Variants in ZC3H3 observed in about 807,000 individuals in gnomAD.
ZC3H3 encodes zinc finger CCCH-type containing 3, also known as zinc finger CCCH domain-containing protein 3.
A neutral mutation model predicts 77.3 loss-of-function variants in ZC3H3; 36 were observed. The observed-to-expected ratio is 0.47, with a 90% confidence interval of 0.36 to 0.61. ZC3H3 has a LOEUF of 0.61. Ranked by LOEUF, ZC3H3 falls within the 20% of genes least tolerant of loss-of-function variation. The pLI, the probability that ZC3H3 is intolerant of heterozygous loss-of-function variation, is 0.00. For synonymous variants in ZC3H3, 626 were observed against 555.2 expected (o/e 1.13, Z -1.79); for missense variants, 1,331 against 1,312.2 (o/e 1.01, Z -0.22).
Position 143,507,762 on chromosome 8 carries a change from G to C in ZC3H3, c.1699C>G (p.Arg567Gly), listed in dbSNP as rs142965748. Residue 567 changes from arginine to glycine, a missense_variant, in exon 4 of 12, where the codon CGG becomes GGG. This residue lies in a region of ZC3H3 where 978 missense variants were observed against 915.5 expected (regional missense o/e 1.07). Coordinates refer to ENST00000262577, the MANE Select transcript of ZC3H3 (RefSeq NM_015117.3). ...CCTTCCTACCTGGATAGTGAGAGCCGCCGGGCCCGCCAGGAGGGCAGAGAC... is the reference window on the plus strand; with the variant it reads ...CCTTCCTACCTGGATAGTGAGAGCCCCCGGGCCCGCCAGGAGGGCAGAGAC... ...PLSLPSWRAR[R>G]LSLSRSLVLN... The C allele has an allele frequency of 2.4e-4, 383 of 1,583,072 alleles. 1 individual carries two copies. Among genetic ancestry groups the C allele is most frequent in the Non-Finnish European group, 3.1e-4 (365 of 1,165,940 alleles).
In ZC3H3 at chr8:143,490,864, G is replaced by A. The variant is rs151121461; in HGVS notation, c.1716-15279C>T. Among the ~76,000 whole-genome samples, 14 of 152,342 alleles carry A rather than the reference G, an allele frequency of 9.2e-5. No individual in the cohort carries two copies. In the East Asian group the frequency reaches 2.7e-3, roughly 29 times the overall value. On this transcript the variant is annotated intron_variant, in intron 4 of 11. Transcript: ENST00000262577. ...CAAGAGGCAGAGCCTGCAGTGAGCT[G>A]AGATTGCACTCCAGCCTAGGTGACA... is the stretch of plus-strand genomic sequence containing the variant.
intron 3 of ZC3H3, among the ~76,000 whole-genome samples, chr8:143,511,111 G>A (rs1007168586): frequency 2.6e-5 from 4 of 152,256 alleles, no homozygotes; most frequent in Non-Finnish European, 4.4e-5. Context: ...TCTTGCACAC[G>A]GCACCATGCC....
In ZC3H3 at chr8:143,465,863, G is replaced by C. The variant is rs375095692; in HGVS notation, c.2176-15C>G. 1 of 1,605,528 alleles carries C rather than the reference G, an allele frequency of 6.2e-7. No individual in the cohort carries two copies. Among genetic ancestry groups the C allele is most frequent in the East Asian group, 2.2e-5 (1 of 44,836 alleles). ...CACACCGGCATCTGCAGGGAGGGCCGGCAGTGAGGGCCAGCAGGCAGCCAC... is the reference window on the plus strand; with the variant it reads ...CACACCGGCATCTGCAGGGAGGGCCCGCAGTGAGGGCCAGCAGGCAGCCAC... On this transcript the variant is annotated splice_polypyrimidine_tract_variant and intron_variant, in intron 8 of 11. Transcript: ENST00000262577.
At chr8:143,531,958 T>C (rs1039108698) in intron 3 of ZC3H3, among the ~76,000 whole-genome samples, 4 of 152,364 alleles carry the variant, frequency 2.6e-5, no homozygotes, top group Non-Finnish European at 5.9e-5. Context: ...TAAAGCTTAA[T>C]GTTGATTGTG....
At chr8:143,519,848 G>A (rs1430195912) in intron 3 of ZC3H3, among the ~76,000 whole-genome samples, 1 of 152,150 alleles carries the variant, frequency 6.6e-6, no homozygotes. Flanking sequence ...GGACACCCCC[G>A]CAGTCCCAGA....
In ZC3H3 at chr8:143,538,413, C is replaced by T. The variant is rs369410453; in HGVS notation, c.954G>A (p.Ser318=). 10 of 1,613,104 alleles carry T rather than the reference C, an allele frequency of 6.2e-6. No homozygotes were observed. The highest frequency in any genetic ancestry group is 2.2e-5 in the East Asian group (1 of 44,898). The change falls in exon 2 of 12, where the codon TCG becomes TCA. Residue 318 remains serine, a synonymous_variant. Coordinates refer to ENST00000262577, the MANE Select transcript of ZC3H3 (RefSeq NM_015117.3). The stretch of plus-strand genomic sequence containing the variant: ...CCCTCCGAGCAACCCGGGGACTCTT[C>T]GAGGAGGCAGCCACCCATTTGTAGT... ...KNNYKWVAAS[S]KSPRVARRAL... is the part of the protein sequence containing the mutation.
At chr8:143,536,825 C>A (rs545207376) in intron 2 of ZC3H3, among the ~76,000 whole-genome samples, 1 of 152,172 alleles carries the variant, frequency 6.6e-6, no homozygotes, top group Non-Finnish European at 1.5e-5. Context: ...CTGAGGAGAG[C>A]GGCCACCGGC....
At chr8:143,473,732 G>A (rs767664305) in intron 5 of ZC3H3, among the ~76,000 whole-genome samples, 4 of 152,212 alleles carry the variant, frequency 2.6e-5, no homozygotes, top group Non-Finnish European at 5.9e-5. Context: ...TTGTCCCTGG[G>A]GGTCAAGCAC....
intron 5 of ZC3H3, among the ~76,000 whole-genome samples, chr8:143,473,380 T>C (rs1332077975): frequency 6.6e-6 from 1 of 152,000 alleles, no homozygotes; most frequent in Non-Finnish European, 1.5e-5. Flanking sequence ...TGGACACGAG[T>C]CTGCGTATTT....
At position 143,507,787 on chromosome 8, in the gene ZC3H3, C is replaced by T. The variant is rs1466612469; in HGVS notation, c.1674G>A (p.Leu558=). 1.9e-6 allele frequency: 3 copies of T among 1,601,664 alleles called. No individual in the cohort carries two copies. Among genetic ancestry groups the T allele is most frequent in the Non-Finnish European group, 2.6e-6 (3 of 1,176,164 alleles). Residue 558 remains leucine, a synonymous_variant, in exon 4 of 12, where the codon CTG becomes CTA. Transcript: ENST00000262577. ...ASPLSAPPFP[L]SLPSWRARRL... ...GCCGGGCCCGCCAGGAGGGCAGAGACAGGGGGAAGGGCGGGGCGCTGAGAG... is the reference window on the plus strand; with the variant it reads ...GCCGGGCCCGCCAGGAGGGCAGAGATAGGGGGAAGGGCGGGGCGCTGAGAG...
chr8:143,522,558 G>A lies in ZC3H3; in HGVS notation c.1561+13699C>T, dbSNP rs185194600. Among the ~76,000 whole-genome samples, 253 of 151,970 alleles carry A rather than the reference G, an allele frequency of 1.7e-3. 2 individuals are homozygous for A. Among genetic ancestry groups the A allele is most frequent in the African/African-American group, 5.8e-3 (239 of 41,454 alleles). On this transcript the variant is annotated intron_variant, in intron 3 of 11. Transcript: ENST00000262577. Reference sequence around the variant, plus strand: ...GTCGAGGTTGCAGTGAGCCAAGACTGTGCCGCTGCACACTCCAGCCTAGGG... The same window carrying A: ...GTCGAGGTTGCAGTGAGCCAAGACTATGCCGCTGCACACTCCAGCCTAGGG...
At chr8:143,500,539 T>C (rs1021454173) in intron 4 of ZC3H3, among the ~76,000 whole-genome samples, 1 of 152,216 alleles carries the variant, frequency 6.6e-6, no homozygotes, top group Non-Finnish European at 1.5e-5. Context: ...TATAACAGAA[T>C]ACCACAGCCT....
rs762398154 is a variant in ZC3H3 at position 143,440,225 on chromosome 8, GGAGGAGGAGGAGGAAGCCTTC to G, written c.2610_2630del (p.Lys871_Ser877del). 3 of 1,603,890 alleles carry G rather than the reference GGAGGAGGAGGAGGAAGCCTTC, an allele frequency of 1.9e-6. No homozygotes were observed. In the Admixed American group the frequency reaches 5.2e-5, roughly 28 times the overall value. ...AGGAAGCGGGAGGGGATGAGGAGGA[GGAGGAGGAGGAGGAAGCCTTC>G]GAGGATGAGGGAGAGGCTGACCCCC... On this transcript the variant is annotated inframe_deletion, in exon 11 of 12. Coordinates refer to ENST00000262577, the MANE Select transcript of ZC3H3 (RefSeq NM_015117.3).
intron 3 of ZC3H3, among the ~76,000 whole-genome samples, chr8:143,527,766 C>A (rs1243696661): frequency 6.6e-6 from 1 of 152,200 alleles, no homozygotes; most frequent in Non-Finnish European, 1.5e-5. Flanking sequence ...CCAGGCAGAG[C>A]CTCCCAGGTG....
chr8:143,443,765 C>G (rs958132025), intron 9 of ZC3H3, among the ~76,000 whole-genome samples: 1 of 152,152 alleles, frequency 6.6e-6, no homozygotes, highest in African/African-American at 2.4e-5. Context: ...AAGCGTGTAA[C>G]TAAAGATGCT....
At chr8:143,475,340 C>G in intron 5 of ZC3H3, 58 bp downstream of exon 5, 1 of 1,555,296 alleles carries the variant, frequency 6.4e-7, no homozygotes, top group Admixed American at 1.8e-5. Context: ...GCCTGCAATG[C>G]CCACCACACG....
At chr8:143,490,742 CT>C (rs1821178649) in intron 4 of ZC3H3, among the ~76,000 whole-genome samples, 1 of 152,146 alleles carries the variant, frequency 6.6e-6, no homozygotes, top group Admixed American at 6.5e-5. Context: ...TGGTGAAACC[CT>C]GTCTCTACTA....
At chr8:143,459,869 T>C (rs1820212492) in intron 9 of ZC3H3, among the ~76,000 whole-genome samples, 1 of 152,164 alleles carries the variant, frequency 6.6e-6, no homozygotes, top group Non-Finnish European at 1.5e-5. Flanking sequence ...TATTCAATGG[T>C]GAAAAATGAA....
chr8:143,522,119 C>G (rs1822265953), intron 3 of ZC3H3, among the ~76,000 whole-genome samples: 1 of 152,216 alleles, frequency 6.6e-6, no homozygotes, highest in Non-Finnish European at 1.5e-5. Context: ...TCGGCCTTCC[C>G]TAGGGATCCA....
Sources: allele counts gnomAD v4.1 joint callset (sites outside exome capture counted in the v4.1 genomes callset), GRCh38; gene constraint gnomAD v4.1.1; regional missense constraint gnomAD v4.1.1; transcripts MANE v1.5; gene names NCBI Gene and HGNC (gene_info 2026-07-23, HGNC 2026-07-21).